Variants in AMOT observed in about 807,000 individuals in gnomAD.
AMOT encodes angiomotin.
AMOT carries 11 observed loss-of-function variants against 67.0 expected under a neutral mutation model. The observed-to-expected ratio is 0.16, with a 90% CI of 0.10 to 0.27. The LOEUF is 0.27. Ranked by LOEUF, AMOT falls within the 10% of genes least tolerant of loss-of-function variation. The probability of loss-of-function intolerance (pLI) is 1.00; values close to 1 mark genes in which losing one functional copy is unlikely to be tolerated. For missense variants in AMOT, 753 were observed against 852.0 expected, an observed-to-expected ratio of 0.88 and a Z score of 1.45; for synonymous variants, 326 against 321.4, an observed-to-expected ratio of 1.01 and a Z score of -0.15.
In AMOT at chrX:112,778,594, A is replaced by G. The variant is rs1467732372; in HGVS notation, c.3228T>C (p.Asp1076=). The G allele has an allele frequency of 1.3e-5, 16 of 1,209,121 alleles. No homozygotes were observed. Among genetic ancestry groups the G allele is most frequent in the Non-Finnish European group, 1.8e-5 (16 of 893,554 alleles). The change falls in exon 14 of 14, where the codon GAT becomes GAC. Residue 1076 remains aspartate, a synonymous_variant. Coordinates refer to ENST00000371959, the MANE Select transcript of AMOT (RefSeq NM_001113490.2). ...TPIQILGQEP[D]AEMVEYLI ...AGATGAGATATTCCACCATCTCTGC[A>G]TCAGGCTCTTGTCCCAGGATCTGAA...
intron 8 of AMOT, among the ~76,000 whole-genome samples, chrX:112,798,028 C>T (rs188360468): frequency 9.0e-6 from 1 of 111,433 alleles, no homozygotes; most frequent in Non-Finnish European, 1.9e-5. Flanking sequence ...TTCTTTAGAC[C>T]AGAGCTGCTC....
Position 112,778,434 on chromosome X carries a change from C to T in AMOT, c.*133G>A, listed in dbSNP as rs1385401724. On this transcript the variant is annotated 3_prime_UTR_variant, in exon 14 of 14. Transcript: ENST00000371959. ...GGTATTACTCAAGTAGTACATTGTT[C>T]CAATAAAAAGTCCTGTTAAAAAACA... 1.9e-6 allele frequency: 1 copy of T among 528,160 alleles called. No homozygotes were observed. The highest frequency in any genetic ancestry group is 3.1e-6 in the Non-Finnish European group (1 of 321,280). 43.5% of individuals were successfully genotyped at this position (528,160 alleles called of 1,213,427 possible). A position where few individuals can be genotyped will look rare whatever the true frequency, so the allele number is the denominator to read the frequency against.
At chrX:112,785,013 G>C in intron 10 of AMOT, among the ~76,000 whole-genome samples, 1 of 111,698 alleles carries the variant, frequency 9.0e-6, no homozygotes, top group East Asian at 2.8e-4. Context: ...GGGCTGCCAG[G>C]GCAGCCCTCA....
At chrX:112,804,902 AGCCCT>A in intron 8 of AMOT, 40 bp downstream of exon 8, 13 of 363,748 alleles carry the variant, frequency 3.6e-5, no homozygotes, top group Non-Finnish European at 6.4e-5. Context: ...CCGATTTCCC[AGCCCT>A]CCCACCCCCA....
intron 10 of AMOT, among the ~76,000 whole-genome samples, chrX:112,783,510 G>C (rs1047191555): frequency 1.5e-4 from 17 of 110,630 alleles, no homozygotes; most frequent in African/African-American, 5.6e-4. Context: ...TAGTGCCTTT[G>C]AGTCAGTCCC....
chrX:112,829,566 T>C (rs1355041139), intron 2 of AMOT, among the ~76,000 whole-genome samples: 1 of 112,198 alleles, frequency 8.9e-6, no homozygotes, highest in East Asian at 2.8e-4. Context: ...GACAGCTTAA[T>C]ACACTCTATT....
chrX:112,833,489 G>T (rs930202681), intron 1 of AMOT, among the ~76,000 whole-genome samples: 3 of 100,666 alleles, frequency 3.0e-5, no homozygotes, highest in Non-Finnish European at 4.0e-5. Flanking sequence ...GGGGGGGGGG[G>T]GGTCATCAAA....
chrX:112,829,799 C>A (rs1934941864), intron 2 of AMOT, among the ~76,000 whole-genome samples: 1 of 111,724 alleles, frequency 9.0e-6, no homozygotes, highest in South Asian at 3.8e-4. Flanking sequence ...CAAAGGTGAT[C>A]AACCCTGAAG....
intron 1 of AMOT, among the ~76,000 whole-genome samples, chrX:112,834,405 A>T (rs951526933): frequency 6.3e-5 from 7 of 111,870 alleles, no homozygotes; most frequent in Non-Finnish European, 1.3e-4. Flanking sequence ...TAAGGGGAAA[A>T]AAAGATCAGT....
intron 7 of AMOT, among the ~76,000 whole-genome samples, chrX:112,807,916 A>C (rs1307324479): frequency 1.8e-5 from 2 of 111,486 alleles, no homozygotes; most frequent in African/African-American, 6.6e-5. Flanking sequence ...CATGTTTCTG[A>C]ATCAAATCAT....
In AMOT at chrX:112,778,595, T is replaced by A; in HGVS notation, c.3227A>T (p.Asp1076Val). The A allele has an allele frequency of 8.3e-7, 1 of 1,209,110 alleles. No homozygotes were observed. Among genetic ancestry groups the A allele is most frequent in the East Asian group, 3.0e-5 (1 of 33,828 alleles). Reference sequence around the variant, plus strand: ...GATGAGATATTCCACCATCTCTGCATCAGGCTCTTGTCCCAGGATCTGAAT... The same window carrying A: ...GATGAGATATTCCACCATCTCTGCAACAGGCTCTTGTCCCAGGATCTGAAT... ...TPIQILGQEPDAEMVEYLI is the reference protein window; with the variant it reads ...TPIQILGQEPVAEMVEYLI Residue 1076 changes from aspartate to valine, a missense_variant, in exon 14 of 14, where the codon GAT becomes GTT. Around this residue, in one of 5 missense-constraint regions of AMOT, gnomAD observed 269 missense variants for 300.9 expected, o/e 0.89. Transcript: ENST00000371959.
rs1369829831 is a variant in AMOT, at chrX:112,780,871, A to C, written c.2473+15T>G. 1.7e-6 allele frequency: 2 copies of C among 1,196,558 alleles called. No homozygotes were observed. Among genetic ancestry groups the C allele is most frequent in the African/African-American group, 1.8e-5 (1 of 56,844 alleles). On this transcript the variant is annotated intron_variant, in intron 12 of 13. Transcript: ENST00000371959. The stretch of plus-strand genomic sequence containing the variant: ...TGAACACGTGACTATAATCTTCCTT[A>C]TTTACTGTCATTACCTAGGCTCCCC...
intron 2 of AMOT, among the ~76,000 whole-genome samples, chrX:112,827,552 T>C (rs909025317): frequency 8.9e-6 from 1 of 112,057 alleles, no homozygotes; most frequent in Non-Finnish European, 1.9e-5. Flanking sequence ...AGACTGTCTC[T>C]GAGAATATTT....
intron 1 of AMOT, among the ~76,000 whole-genome samples, chrX:112,839,922 T>TACC (rs1362612802): frequency 9.0e-6 from 1 of 111,161 alleles, no homozygotes; most frequent in African/African-American, 3.3e-5. Flanking sequence ...CCACAAGCAC[T>TACC]ACCACCACCA....
intron 8 of AMOT, among the ~76,000 whole-genome samples, chrX:112,797,759 C>T (rs766630708): frequency 9.4e-6 from 1 of 106,208 alleles, no homozygotes; most frequent in African/African-American, 3.5e-5. Flanking sequence ...CCAGCCTGGG[C>T]GACAGAGAGA....
intron 7 of AMOT, 135 bp from the exon 8 acceptor site, chrX:112,805,227 G>A (rs1181167390): frequency 1.4e-6 from 1 of 702,597 alleles, no homozygotes; most frequent in Non-Finnish European, 2.0e-6. Context: ...GTATACCCAA[G>A]ATCTGGACTC....
chrX:112,815,164 C>G (rs771232065), intron 5 of AMOT, among the ~76,000 whole-genome samples, 194 bp downstream of exon 5: 1 of 111,639 alleles, frequency 9.0e-6, no homozygotes, highest in African/African-American at 3.3e-5. Flanking sequence ...AAATGTAAGA[C>G]GTTACTTCTC....
chrX:112,835,607 C>T (rs759306455), intron 1 of AMOT, among the ~76,000 whole-genome samples: 17 of 98,883 alleles, frequency 1.7e-4, no homozygotes, highest in South Asian at 1.4e-3. Context: ...TTTTTTGAGA[C>T]GGAGTTTTGC....
rs6643097 is a variant in AMOT at position 112,810,367 on chromosome X, T to G, written c.1538-381A>C. On this transcript the variant is annotated intron_variant, in intron 6 of 13. Transcript: ENST00000371959. ...GTTGAAAGGGACAACTAGCAGCATG[T>G]ATTTGGGCCCCCTGACTTTAAAGAT... is the stretch of plus-strand genomic sequence containing the variant. Among the ~76,000 whole-genome samples, 861 of 112,003 alleles carry G rather than the reference T, an allele frequency of 7.7e-3. 49 individuals carry two copies. The East Asian group carries it at 0.17, about 22-fold the overall frequency.
Sources: gnomAD v4.1 joint callset for allele counts (sites outside exome capture counted in the v4.1 genomes callset) on GRCh38, gnomAD v4.1.1 for gene constraint, gnomAD v4.1.1 regional missense constraint, MANE v1.5 for transcripts, NCBI Gene and HGNC (gene_info 2026-07-23, HGNC 2026-07-21) for gene names.